Variants in SPHKAP observed in about 807,000 individuals in gnomAD.
The protein encoded by SPHKAP is A-kinase anchor protein SPHKAP.
Under a neutral mutation model 137.5 loss-of-function variants are expected in SPHKAP, and 67 were observed. That is an observed-to-expected ratio of 0.49 (90% CI 0.40 to 0.60). The LOEUF (loss-of-function observed/expected upper bound fraction) is 0.60. SPHKAP is among the 20% of genes least tolerant of loss of function. The pLI is 0.00. For missense variants in SPHKAP, 2,097 were observed against 2,069.3 expected (o/e 1.01, Z -0.26); for synonymous variants, 813 against 785.3 (o/e 1.04, Z -0.59).
At chr2:228,080,813 C>T (rs988788493) in intron 3 of SPHKAP, among the ~76,000 whole-genome samples, 2 of 151,794 alleles carry the variant, frequency 1.3e-5, no homozygotes, top group Admixed American at 6.6e-5. Context: ...TATCATCTCA[C>T]ACCTGTTAGA....
At chr2:228,163,429 T>C (rs1433019649) in intron 1 of SPHKAP, among the ~76,000 whole-genome samples, 2 of 152,220 alleles carry the variant, frequency 1.3e-5, no homozygotes, top group African/African-American at 4.8e-5. Context: ...ATAGCTTTTA[T>C]GTTCACTATG....
intron 3 of SPHKAP, among the ~76,000 whole-genome samples, chr2:228,101,486 T>C (rs1037446838): frequency 1.3e-5 from 2 of 152,218 alleles, no homozygotes; most frequent in Admixed American, 6.5e-5. Context: ...CCTATACTGC[T>C]GGGCATGTAA....
chr2:228,021,111 G>A lies in SPHKAP; in HGVS notation c.697+600C>T, dbSNP rs897696442. ...CCCCTTCCTCTGTGGCTAAAAGTGG[G>A]GAGGAGGAACGCATTGTTCATTGAG... On this transcript the variant is annotated intron_variant, in intron 6 of 11. Coordinates refer to ENST00000392056, the MANE Select transcript of SPHKAP (RefSeq NM_001142644.2). Among the ~76,000 whole-genome samples, 3 of 152,194 alleles carry A rather than the reference G, an allele frequency of 2.0e-5. No homozygotes were observed. The East Asian group carries it at 5.8e-4, about 29-fold the overall frequency.
At chr2:228,131,392 G>T in intron 2 of SPHKAP, 1 of 768,424 alleles carries the variant, frequency 1.3e-6, no homozygotes, top group Non-Finnish European at 1.6e-6. Context: ...CAAGTTTTGG[G>T]GCCTTAGATT....
chr2:227,981,911 G>A, intron 11 of SPHKAP, 51 bp from the exon 12 acceptor site: 5 of 1,565,598 alleles, frequency 3.2e-6, no homozygotes, highest in Non-Finnish European at 4.3e-6. Flanking sequence ...GGTCCTCAAA[G>A]CCACCTCATT....
At chr2:228,046,191 T>C (rs191362637) in intron 3 of SPHKAP, among the ~76,000 whole-genome samples, 1 of 151,930 alleles carries the variant, frequency 6.6e-6, no homozygotes, top group South Asian at 2.1e-4. Flanking sequence ...ACCCTGAATA[T>C]ATGCAATTTT....
intron 3 of SPHKAP, among the ~76,000 whole-genome samples, chr2:228,089,961 G>A (rs1697667501): frequency 6.6e-6 from 1 of 152,212 alleles, no homozygotes; most frequent in Non-Finnish European, 1.5e-5. Context: ...TACTTGTGAA[G>A]TGCTGAAGGG....
intron 1 of SPHKAP, among the ~76,000 whole-genome samples, chr2:228,165,415 C>T (rs1700395097): frequency 1.3e-5 from 2 of 152,244 alleles, no homozygotes; most frequent in South Asian, 4.1e-4. Flanking sequence ...TCCTGGAACA[C>T]CGTTTGGTGC....
In SPHKAP at chr2:228,034,142, T is replaced by G. The variant is rs533593582; in HGVS notation, c.247-6599A>C. ...ATTGATAGACCGCTAGCAAGACTAA[T>G]AAAGAAGAAAAGAGAGAAGAATCAA... is the stretch of plus-strand genomic sequence containing the variant. On this transcript the variant is annotated intron_variant, in intron 3 of 11. Coordinates refer to ENST00000392056, the MANE Select transcript of SPHKAP (RefSeq NM_001142644.2). Among the ~76,000 whole-genome samples the G allele has an allele frequency of 2.7e-3, 406 of 151,692 alleles. 2 individuals carry two copies. The highest frequency in any genetic ancestry group is 9.3e-3 in the African/African-American group (384 of 41,304).
At chr2:228,131,686 G>T in intron 2 of SPHKAP, 2 of 572,736 alleles carry the variant, frequency 3.5e-6, no homozygotes, top group South Asian at 7.4e-5. Flanking sequence ...TTTCTGAAAG[G>T]AGATGCAAGA....
intron 11 of SPHKAP, among the ~76,000 whole-genome samples, chr2:227,983,058 G>T (rs1693059623): frequency 6.6e-6 from 1 of 152,086 alleles, no homozygotes. Flanking sequence ...AAAAGATGAG[G>T]ATTGTGGTTC....
At chr2:228,100,866 G>A (rs1195420131) in intron 3 of SPHKAP, among the ~76,000 whole-genome samples, 1 of 152,272 alleles carries the variant, frequency 6.6e-6, no homozygotes, top group East Asian at 1.9e-4. Flanking sequence ...TACATAGAAA[G>A]AGTTAGGAAG....
At chr2:228,162,735 G>A (rs1043755904) in intron 1 of SPHKAP, among the ~76,000 whole-genome samples, 1 of 152,090 alleles carries the variant, frequency 6.6e-6, no homozygotes, top group Non-Finnish European at 1.5e-5. Flanking sequence ...TTTTACTCTT[G>A]TTGCCCAGGC....
intron 3 of SPHKAP, among the ~76,000 whole-genome samples, chr2:228,038,442 A>G (rs974191373): frequency 2.0e-5 from 3 of 152,106 alleles, no homozygotes; most frequent in African/African-American, 7.2e-5. Flanking sequence ...ATTCTGCATT[A>G]CGGTTGCATG....
rs535144626 is a variant in SPHKAP, at chr2:227,980,487, C to T, written c.*1230G>A. 30 of 152,138 alleles carry T rather than the reference C, an allele frequency of 2.0e-4. No individual in the cohort carries two copies. Among genetic ancestry groups the T allele is most frequent in the Non-Finnish European group, 4.1e-4 (28 of 67,986 alleles). The allele number at this position is 152,138 out of a possible 1,614,324, so 9.4% of individuals were successfully genotyped here. On this transcript the variant is annotated 3_prime_UTR_variant, in exon 12 of 12. Transcript: ENST00000392056. ...CTCTTTGATCAAGAAAATAAAAGTC[C>T]GTGTAGGTCATTTAGTTGGAAGGAA...
At chr2:228,056,542 T>G (rs1374556601) in intron 3 of SPHKAP, among the ~76,000 whole-genome samples, 1 of 151,834 alleles carries the variant, frequency 6.6e-6, no homozygotes, top group Non-Finnish European at 1.5e-5. Context: ...AAGTGTTTCT[T>G]TTTCAGTTCA....
At chr2:228,013,183 G>A (rs1321632564) in intron 7 of SPHKAP, among the ~76,000 whole-genome samples, 3 of 152,094 alleles carry the variant, frequency 2.0e-5, no homozygotes, top group Admixed American at 1.3e-4. Flanking sequence ...TCTAAATATG[G>A]TTAATTTTCC....
chr2:228,145,836 T>C (rs1218992954), intron 1 of SPHKAP, among the ~76,000 whole-genome samples: 1 of 152,158 alleles, frequency 6.6e-6, no homozygotes, highest in East Asian at 1.9e-4. Flanking sequence ...TAAAAAAGAC[T>C]GAGTTTCTGT....
In SPHKAP at chr2:228,017,730, C is replaced by A. The variant is rs965860866; in HGVS notation, c.3124G>T (p.Val1042Leu). 1 of 1,614,106 alleles carries A rather than the reference C, an allele frequency of 6.2e-7. No individual in the cohort carries two copies. The highest frequency in any genetic ancestry group is 1.3e-5 in the African/African-American group (1 of 75,068). The part of the protein sequence containing the change: ...PDSVNLFANE[V>L]AAKIMNLTEF... Reference sequence around the variant, plus strand: ...GTTAGGTTCATGATCTTGGCTGCCACTTCATTGGCAAAAAGATTGACAGAA... The same window carrying A: ...GTTAGGTTCATGATCTTGGCTGCCAATTCATTGGCAAAAAGATTGACAGAA... The change falls in exon 7 of 12, where the codon GTG becomes TTG. Residue 1042 changes from valine to leucine, a missense_variant. Val to Leu is a conservative substitution (Grantham distance 32). Transcript: ENST00000392056.
Sources: allele counts gnomAD v4.1 joint callset (sites outside exome capture counted in the v4.1 genomes callset), GRCh38; gene constraint gnomAD v4.1.1; transcripts MANE v1.5; gene names NCBI Gene and HGNC (gene_info 2026-07-23, HGNC 2026-07-21).